Variants in PEX5L observed in about 807,000 individuals in gnomAD.
PEX5L encodes PEX5-related protein.
PEX5L carries 30 observed loss-of-function variants against 84.0 expected under a neutral mutation model. The observed-to-expected ratio is 0.36, with a 90% CI of 0.27 to 0.48. PEX5L has a LOEUF of 0.48. Ranked by LOEUF, PEX5L falls within the 20% of genes least tolerant of loss-of-function variation. The pLI, the probability that PEX5L is intolerant of heterozygous loss-of-function variation, is 0.99. For synonymous variants in PEX5L, 270 were observed against 283.1 expected (o/e 0.95, Z 0.46); for missense variants, 533 against 754.6 (o/e 0.71, Z 3.44).
At chr3:179,979,241 T>A (rs1312378780) in intron 1 of PEX5L, among the ~76,000 whole-genome samples, 1 of 125,718 alleles carries the variant, frequency 8.0e-6, no homozygotes. Flanking sequence ...AAAACCAAAT[T>A]CAAATTTTAA....
At chr3:179,994,759 T>A (rs116524208) in intron 1 of PEX5L, among the ~76,000 whole-genome samples, 3,991 of 152,174 alleles carry the variant, frequency 0.026, 185 homozygotes, top group African/African-American at 0.092. Context: ...TGGGTGGGCA[T>A]CATCTAATCA....
At chr3:179,884,162 A>C (rs1414480849) in intron 4 of PEX5L, among the ~76,000 whole-genome samples, 1 of 152,196 alleles carries the variant, frequency 6.6e-6, no homozygotes, top group Admixed American at 6.5e-5. Flanking sequence ...TGTGGTAGAA[A>C]AACGCCCCCC....
At chr3:179,873,570 T>C (rs1457706223) in intron 7 of PEX5L, among the ~76,000 whole-genome samples, 1 of 152,110 alleles carries the variant, frequency 6.6e-6, no homozygotes, top group Non-Finnish European at 1.5e-5. Context: ...ATGGTCTTAA[T>C]CATAGGAGAT....
chr3:180,016,105 C>CGG (rs1579356121), intron 1 of PEX5L, among the ~76,000 whole-genome samples: 1 of 151,814 alleles, frequency 6.6e-6, no homozygotes, highest in African/African-American at 2.4e-5. Flanking sequence ...GTAACACCAC[C>CGG]ACCACCACCA....
intron 1 of PEX5L, among the ~76,000 whole-genome samples, chr3:180,020,300 A>G (rs982015870): frequency 6.6e-6 from 1 of 152,140 alleles, no homozygotes; most frequent in Non-Finnish European, 1.5e-5. Context: ...TAGAATAAAT[A>G]TAACATTGGT....
At chr3:179,839,301 T>C (rs1334504338) in intron 8 of PEX5L, among the ~76,000 whole-genome samples, 1 of 152,216 alleles carries the variant, frequency 6.6e-6, no homozygotes, top group Non-Finnish European at 1.5e-5. Flanking sequence ...TTTCTTTAAA[T>C]ACACTGTAAT....
At chr3:179,983,499 C>T (rs1786527891) in intron 1 of PEX5L, among the ~76,000 whole-genome samples, 1 of 151,920 alleles carries the variant, frequency 6.6e-6, no homozygotes, top group African/African-American at 2.4e-5. Context: ...TTGTCATTTT[C>T]ATTGTGTTGA....
intron 2 of PEX5L, among the ~76,000 whole-genome samples, chr3:179,950,349 G>A (rs1267062402): frequency 1.3e-5 from 2 of 151,334 alleles, no homozygotes; most frequent in Non-Finnish European, 2.9e-5. Context: ...TCACACACTG[G>A]GGACTGCTGT....
At chr3:179,876,313 G>C (rs925775466) in intron 5 of PEX5L, among the ~76,000 whole-genome samples, 7 of 151,926 alleles carry the variant, frequency 4.6e-5, no homozygotes, top group African/African-American at 1.7e-4. Flanking sequence ...GACCAACATG[G>C]TGAAACCCTG....
At chr3:179,964,658 TA>T (rs1336225789) in intron 2 of PEX5L, among the ~76,000 whole-genome samples, 1 of 152,132 alleles carries the variant, frequency 6.6e-6, no homozygotes, top group African/African-American at 2.4e-5. Context: ...AGACACTTTT[TA>T]AAAGAAGACA....
intron 2 of PEX5L, among the ~76,000 whole-genome samples, chr3:179,906,861 A>C (rs114682103): frequency 6.8e-4 from 104 of 152,248 alleles, no homozygotes; most frequent in African/African-American, 2.5e-3. Context: ...GGACATCTTA[A>C]CATTCAAGAG....
chr3:180,034,707 G>C (rs1791747458), intron 1 of PEX5L, among the ~76,000 whole-genome samples: 1 of 152,044 alleles, frequency 6.6e-6, no homozygotes, highest in Non-Finnish European at 1.5e-5. Context: ...CTGAAATTTT[G>C]GTGGATGTAT....
chr3:180,030,915 T>A (rs1791394625), intron 1 of PEX5L, among the ~76,000 whole-genome samples: 1 of 148,660 alleles, frequency 6.7e-6, no homozygotes, highest in Non-Finnish European at 1.5e-5. Flanking sequence ...CTGGCGGGGA[T>A]TTTTGTCTTT....
At chr3:179,875,553 T>TGA in intron 5 of PEX5L, 76 bp from the exon 6 acceptor site, 1 of 987,128 alleles carries the variant, frequency 1.0e-6, no homozygotes, top group Non-Finnish European at 1.6e-6. Flanking sequence ...GGGAGTGGGG[T>TGA]GAGGGTGGAG....
At chr3:180,000,729 A>T (rs1172368178) in intron 1 of PEX5L, among the ~76,000 whole-genome samples, 2 of 152,150 alleles carry the variant, frequency 1.3e-5, no homozygotes, top group African/African-American at 4.8e-5. Context: ...GTGACATCAG[A>T]TTTATTGATT....
chr3:179,941,230 G>A (rs1000679954), intron 2 of PEX5L, among the ~76,000 whole-genome samples: 13 of 152,050 alleles, frequency 8.5e-5, no homozygotes, highest in Non-Finnish European at 1.3e-4. Flanking sequence ...CCATTTTGCC[G>A]ATTTAAACAT....
At chr3:179,966,945 G>A (rs563135977) in intron 2 of PEX5L, among the ~76,000 whole-genome samples, 11 of 152,172 alleles carry the variant, frequency 7.2e-5, no homozygotes, top group East Asian at 1.9e-4. Flanking sequence ...AAAGGCAAGC[G>A]GTCTTCATAA....
intron 2 of PEX5L, among the ~76,000 whole-genome samples, chr3:179,936,489 A>G (rs898303423): frequency 3.9e-5 from 6 of 152,220 alleles, no homozygotes; most frequent in African/African-American, 1.4e-4. Context: ...TATTTCATCA[A>G]AAGGAGCTGC....
chr3:180,022,114 A>C (rs1790474485), intron 1 of PEX5L, among the ~76,000 whole-genome samples: 1 of 152,194 alleles, frequency 6.6e-6, no homozygotes, highest in South Asian at 2.1e-4. Context: ...ATGAAAGAAA[A>C]CATGATTTTT....
Sources: gnomAD v4.1 joint callset for allele counts (sites outside exome capture counted in the v4.1 genomes callset) on GRCh38, gnomAD v4.1.1 for gene constraint, MANE v1.5 for transcripts, NCBI Gene and HGNC (gene_info 2026-07-23, HGNC 2026-07-21) for gene names.